Variants in TMC1 observed in about 807,000 individuals in gnomAD.
TMC1 encodes transmembrane channel-like protein 1.
TMC1 carries 84 observed loss-of-function variants against 105.8 expected under a neutral mutation model. The observed-to-expected ratio is 0.79, with a 90% CI of 0.67 to 0.95. The LOEUF (loss-of-function observed/expected upper bound fraction) is 0.95. Ranked by LOEUF, TMC1 falls within the 40% of genes least tolerant of loss-of-function variation. The pLI, the probability that TMC1 is intolerant of heterozygous loss-of-function variation, is 0.00. For synonymous variants in TMC1, 315 were observed against 311.5 expected (o/e 1.01, Z -0.12); for missense variants, 817 against 914.1 (o/e 0.89, Z 1.37).
At chr9:72,704,470 T>TTAGGAACCCGAGCACACTCAA (rs1437818212) in intron 8 of TMC1, among the ~76,000 whole-genome samples, 1 of 152,164 alleles carries the variant, frequency 6.6e-6, no homozygotes, top group East Asian at 1.9e-4. Flanking sequence ...GCATCTACCA[T>TTAGGAACCCGAGCACACTCAA]TAGGAACCCG....
chr9:72,631,057 A>C (rs1825440831), intron 4 of TMC1, among the ~76,000 whole-genome samples: 1 of 151,986 alleles, frequency 6.6e-6, no homozygotes, highest in Admixed American at 6.6e-5. Flanking sequence ...TGGTAGAGAC[A>C]GGGTTTCACT....
intron 5 of TMC1, among the ~76,000 whole-genome samples, chr9:72,669,131 C>T (rs1460533172): frequency 6.6e-6 from 1 of 152,074 alleles, no homozygotes; most frequent in East Asian, 1.9e-4. Context: ...TATGGTGAAA[C>T]CCTGTCTCTA....
intron 2 of TMC1, among the ~76,000 whole-genome samples, chr9:72,590,549 T>G (rs569053319): frequency 6.6e-6 from 1 of 152,300 alleles, no homozygotes; most frequent in African/African-American, 2.4e-5. Flanking sequence ...TCGACTCGGT[T>G]TCCTCTTCTG....
chr9:72,795,705 A>G (rs1206634529), intron 17 of TMC1, among the ~76,000 whole-genome samples: 4 of 152,296 alleles, frequency 2.6e-5, no homozygotes, highest in African/African-American at 9.6e-5. Flanking sequence ...ACTTAAATAC[A>G]CAGACCAGTG....
chr9:72,651,247 A>T (rs1420238132), intron 5 of TMC1: 1 of 151,958 alleles, frequency 6.6e-6, no homozygotes, highest in Non-Finnish European at 1.5e-5. Context: ...AACTGTTTTC[A>T]TGAGGTAGCC....
intron 19 of TMC1, among the ~76,000 whole-genome samples, chr9:72,816,526 C>T (rs909291218): frequency 2.0e-5 from 3 of 152,100 alleles, no homozygotes; most frequent in Admixed American, 6.5e-5. Context: ...TTAATAATTA[C>T]ATTACCACAT....
intron 1 of TMC1, among the ~76,000 whole-genome samples, chr9:72,529,916 G>A (rs1435023657): frequency 2.0e-5 from 3 of 152,098 alleles, no homozygotes; most frequent in African/African-American, 7.2e-5. Context: ...TTCTGCCCGA[G>A]TTCTGAGAAT....
intron 23 of TMC1, among the ~76,000 whole-genome samples, chr9:72,834,268 T>G (rs1235892216): frequency 1.3e-5 from 2 of 152,196 alleles, no homozygotes; most frequent in African/African-American, 4.8e-5. Flanking sequence ...TATGAGAATA[T>G]TAATAACTCT....
intron 1 of TMC1, among the ~76,000 whole-genome samples, chr9:72,542,544 C>G (rs756472714): frequency 6.6e-6 from 1 of 151,780 alleles, no homozygotes; most frequent in Non-Finnish European, 1.5e-5. Flanking sequence ...CACTTGAACC[C>G]GGGAGGCAGA....
intron 2 of TMC1, among the ~76,000 whole-genome samples, chr9:72,584,942 G>C (rs10781103): frequency 6.6e-6 from 1 of 150,628 alleles, no homozygotes; most frequent in Non-Finnish European, 1.5e-5. Context: ...GCACTACCAC[G>C]CCTGGCTAAT....
chr9:72,789,280 A>C lies in TMC1; in HGVS notation c.1187A>C (p.Gln396Pro). The stretch of plus-strand genomic sequence containing the variant: ...AAGCGATCCCAGGAATTTGCACAGC[A>C]AGATCCTGACACCCTTGGGTGGTGG... Reference protein sequence around the residue: ...AVKRSQEFAQQDPDTLGWWEK... With the variant: ...AVKRSQEFAQPDPDTLGWWEK... Residue 396 changes from glutamine to proline, a missense_variant, in exon 15 of 24, where the codon CAA becomes CCA. Gln to Pro is a moderately conservative substitution (Grantham distance 76). Transcript: ENST00000297784. The C allele has an allele frequency of 6.2e-7, 1 of 1,614,100 alleles. No individual in the cohort carries two copies. Among genetic ancestry groups the C allele is most frequent in the South Asian group, 1.1e-5 (1 of 91,086 alleles).
At position 72,609,305 on chromosome 9, in the gene TMC1, G is replaced by A. The variant is rs183509759; in HGVS notation, c.-305-7063G>A. Among the ~76,000 whole-genome samples the A allele has an allele frequency of 2.6e-3, 400 of 151,792 alleles. 7 individuals carry two copies. Among genetic ancestry groups the A allele is most frequent in the African/African-American group, 8.9e-3 (370 of 41,354 alleles). ...TGTAATCCTAGCACTTTGGGATGCC[G>A]AGGTGGGTGGATCACTTGAGGTCAG... On this transcript the variant is annotated intron_variant, in intron 2 of 23. Transcript: ENST00000297784.
At chr9:72,634,919 C>T (rs990922776) in intron 4 of TMC1, among the ~76,000 whole-genome samples, 3 of 152,136 alleles carry the variant, frequency 2.0e-5, no homozygotes, top group African/African-American at 7.2e-5. Context: ...GGCTCATCAC[C>T]CTCTCAGCAC....
At position 72,631,173 on chromosome 9, in the gene TMC1, C is replaced by T. The variant is rs142203028; in HGVS notation, c.-53+3110C>T. On this transcript the variant is annotated intron_variant, in intron 4 of 23. Transcript: ENST00000297784. ...GGATTACAGGTGTGAGCACCACACC[C>T]GGCCCATTTTTCACATTTTTAATGA... Among the ~76,000 whole-genome samples the T allele has an allele frequency of 2.2e-3, 332 of 152,170 alleles. 2 individuals carry two copies. In the East Asian group the frequency reaches 0.027, roughly 13 times the overall value.
At chr9:72,695,685 T>C (rs1449341195) in intron 7 of TMC1, among the ~76,000 whole-genome samples, 2 of 152,164 alleles carry the variant, frequency 1.3e-5, no homozygotes, top group Non-Finnish European at 2.9e-5. Context: ...TTATAAATGA[T>C]TGTCATTAAA....
intron 1 of TMC1, among the ~76,000 whole-genome samples, chr9:72,543,660 G>A (rs981794102): frequency 6.6e-6 from 1 of 152,166 alleles, no homozygotes; most frequent in Non-Finnish European, 1.5e-5. Flanking sequence ...GTGGGTGCCT[G>A]TAATCCCAGC....
intron 3 of TMC1, among the ~76,000 whole-genome samples, chr9:72,622,513 T>G (rs1305896502): frequency 6.6e-6 from 1 of 152,234 alleles, no homozygotes; most frequent in Non-Finnish European, 1.5e-5. Context: ...AAATTCTTGA[T>G]GCCTGGGCCT....
At chr9:72,742,043 G>C (rs941215578) in intron 9 of TMC1, among the ~76,000 whole-genome samples, 1 of 151,950 alleles carries the variant, frequency 6.6e-6, no homozygotes, top group African/African-American at 2.4e-5. Context: ...AATTTATTTT[G>C]TTTATTATTT....
chr9:72,644,600 G>A (rs1180670055), intron 4 of TMC1, among the ~76,000 whole-genome samples: 1 of 151,894 alleles, frequency 6.6e-6, no homozygotes, highest in African/African-American at 2.4e-5. Context: ...TCTCTTTTCT[G>A]TTTCAGTGAT....
Sources: allele counts gnomAD v4.1 joint callset (sites outside exome capture counted in the v4.1 genomes callset), GRCh38; gene constraint gnomAD v4.1.1; transcripts MANE v1.5; gene names NCBI Gene and HGNC (gene_info 2026-07-23, HGNC 2026-07-21).